The following UBOX5 variants were observed in gnomAD, a reference collection of about 807,000 sequenced individuals.
The protein encoded by UBOX5 is U-box domain containing 5.
In UBOX5, 28 loss-of-function variants were observed where a neutral mutation model predicts 39.0. That is an observed-to-expected ratio of 0.72 (90% CI 0.53 to 0.98). UBOX5 has a LOEUF of 0.98. Among genes scored for constraint, UBOX5 ranks in the 50% least tolerant of loss-of-function variants. UBOX5 has a pLI of 0.00. For synonymous variants in UBOX5, 283 were observed against 275.5 expected (o/e 1.03, Z -0.27); for missense variants, 585 against 674.4 (o/e 0.87, Z 1.47).
At chr20:3,145,841 T>C (rs1199946282) in intron 1 of UBOX5, among the ~76,000 whole-genome samples, 1 of 151,478 alleles carries the variant, frequency 6.6e-6, no homozygotes, top group East Asian at 1.9e-4. Context: ...AGGTCAGGAG[T>C]GTGAGACCAG....
At chr20:3,133,090 G>A (rs926305180) in intron 1 of UBOX5, among the ~76,000 whole-genome samples, 2 of 152,152 alleles carry the variant, frequency 1.3e-5, no homozygotes, top group Non-Finnish European at 2.9e-5. Flanking sequence ...ACAGGAGAAT[G>A]GCAGATCTTT....
rs1345873702 is a variant in UBOX5 at position 3,122,643 on chromosome 20, T to C, written c.55-59A>G. The C allele has an allele frequency of 5.3e-6, 8 of 1,507,810 alleles. No individual in the cohort carries two copies. The South Asian group carries it at 9.6e-5, about 18-fold the overall frequency. The allele number at this position is 1,507,810 out of a possible 1,614,324, so 93.4% of individuals were successfully genotyped here. A position where few individuals can be genotyped will look rare whatever the true frequency, so the allele number is the denominator to read the frequency against. The stretch of plus-strand genomic sequence containing the variant: ...CCAAATGAAGACAACTTGTCACTTG[T>C]AAGAAAACTCTTAAGCCTGAGGTTC... On this transcript the variant is annotated intron_variant, in intron 2 of 4. Transcript: ENST00000217173.
rs2066600311 is a variant in UBOX5 at position 3,149,199 on chromosome 20, A to ATT, written c.-42+10566_-42+10567insAA. The ATT allele has an allele frequency of 1.1e-6, 1 of 940,320 alleles. No homozygotes were observed. The highest frequency in any genetic ancestry group is 1.6e-6 in the Non-Finnish European group (1 of 633,600). The allele number at this position is 940,320 out of a possible 1,614,324, so 58.2% of individuals were successfully genotyped here. A position where few individuals can be genotyped will look rare whatever the true frequency, so the allele number is the denominator to read the frequency against. On this transcript the variant is annotated intron_variant, in intron 1 of 4. Transcript: ENST00000217173. This position sits in a 1 kb window ranked among gnomAD's most constrained non-coding sequence, Gnocchi z 4.1. ...GGTGTTCCACAAAAACTGCCTGGAAATCTTCAGCATATCACAAGAGCCAGG... is the reference window on the plus strand; with the variant it reads ...GGTGTTCCACAAAAACTGCCTGGAAATTTCTTCAGCATATCACAAGAGCCAGG...
At chr20:3,147,582 C>A (rs781180016) in intron 1 of UBOX5, 3 of 1,614,170 alleles carry the variant, frequency 1.9e-6, no homozygotes, top group Non-Finnish European at 2.5e-6. Context: ...CTGACAAACC[C>A]TGGACTGAGA....
chr20:3,140,468 A>C (rs1600397673), intron 1 of UBOX5, among the ~76,000 whole-genome samples: 1 of 152,076 alleles, frequency 6.6e-6, no homozygotes, highest in East Asian at 1.9e-4. Flanking sequence ...GTGTCAGCAA[A>C]ATTCTACGGG....
At chr20:3,152,001 G>C (rs1254236559) in intron 1 of UBOX5, 2 of 151,262 alleles carry the variant, frequency 1.3e-5, no homozygotes, top group Admixed American at 1.3e-4. Flanking sequence ...GCCACTCGGG[G>C]GGCTGGGGCA....
At chr20:3,156,109 A>C in intron 1 of UBOX5, among the ~76,000 whole-genome samples, 1 of 152,172 alleles carries the variant, frequency 6.6e-6, no homozygotes, top group East Asian at 1.9e-4. Context: ...AAAGACTCTC[A>C]GAAAATCCAT....
intron 1 of UBOX5, among the ~76,000 whole-genome samples, chr20:3,130,332 C>G (rs1027636288): frequency 2.1e-5 from 2 of 94,056 alleles, no homozygotes; most frequent in African/African-American, 1.2e-4. Context: ...GTTGTTTATG[C>G]CTTTTTTTTT....
intron 1 of UBOX5, chr20:3,148,640 C>G: frequency 6.2e-7 from 1 of 1,614,136 alleles, no homozygotes; most frequent in Non-Finnish European, 8.5e-7. Flanking sequence ...AATTAGTTCA[C>G]CTTCTGAAAC....
chr20:3,131,198 C>T (rs566024709), intron 1 of UBOX5, among the ~76,000 whole-genome samples: 2 of 150,652 alleles, frequency 1.3e-5, no homozygotes, highest in South Asian at 2.1e-4. Flanking sequence ...CACTGCATTC[C>T]AGCCTGGGCA....
rs1325450681 is a variant in UBOX5, at chr20:3,149,295, T to C, written c.-42+10471A>G. The stretch of plus-strand genomic sequence containing the variant: ...GGGTAGATGAAGAATGAGTGGCTTC[T>C]ACCTATAAAAGCATCCAAATTTACA... On this transcript the variant is annotated intron_variant, in intron 1 of 4. Transcript: ENST00000217173. This position sits in a 1 kb window ranked among gnomAD's most constrained non-coding sequence, Gnocchi z 4.1. The C allele has an allele frequency of 1.1e-5, 6 of 544,334 alleles. No homozygotes were observed. The African/African-American group carries it at 1.1e-4, about 10-fold the overall frequency. 33.7% of individuals were successfully genotyped at this position (544,334 alleles called of 1,614,324 possible). A position where few individuals can be genotyped will look rare whatever the true frequency, so the allele number is the denominator to read the frequency against.
intron 4 of UBOX5, chr20:3,111,502 G>A (rs992189351): frequency 6.6e-6 from 1 of 152,622 alleles, no homozygotes; most frequent in Non-Finnish European, 1.5e-5. Flanking sequence ...GGACAGTCAA[G>A]ACTCCCTGCA....
Position 3,115,469 on chromosome 20 carries a change from G to C in UBOX5, c.1256-3C>G, listed in dbSNP as rs1394096596. The C allele has an allele frequency of 6.2e-7, 1 of 1,611,346 alleles. No individual in the cohort carries two copies. The highest frequency in any genetic ancestry group is 1.3e-5 in the African/African-American group (1 of 74,894). On this transcript the variant is annotated splice_polypyrimidine_tract_variant and splice_region_variant and intron_variant, in intron 3 of 4. Transcript: ENST00000217173. ...CTTCTGCTCGTGGGACAGTGGACCT[G>C]TCGAGAGATGCGCACAGCACAACAT...
At chr20:3,143,362 A>G (rs1303470969) in intron 1 of UBOX5, among the ~76,000 whole-genome samples, 1 of 152,090 alleles carries the variant, frequency 6.6e-6, no homozygotes, top group Non-Finnish European at 1.5e-5. Context: ...TCAGCTTCCC[A>G]GAGTGCTGGG....
At chr20:3,145,601 G>C (rs2066554680) in intron 1 of UBOX5, among the ~76,000 whole-genome samples, 1 of 152,070 alleles carries the variant, frequency 6.6e-6, no homozygotes, top group African/African-American at 2.4e-5. Flanking sequence ...ACCACGCCTG[G>C]CTAATTTTAT....
intron 1 of UBOX5, among the ~76,000 whole-genome samples, chr20:3,136,382 C>T (rs1310007396): frequency 6.6e-6 from 1 of 151,850 alleles, no homozygotes; most frequent in Non-Finnish European, 1.5e-5. Context: ...GAGACAGAGT[C>T]TCTCTCTGTC....
At chr20:3,147,476 C>T (rs781016406) in intron 1 of UBOX5, 18 of 1,614,192 alleles carry the variant, frequency 1.1e-5, no homozygotes, top group East Asian at 6.7e-5. Context: ...AGTACTAAGA[C>T]GATTGCCTCT....
chr20:3,129,722 C>A (rs144350390), intron 1 of UBOX5, among the ~76,000 whole-genome samples: 1 of 152,278 alleles, frequency 6.6e-6, no homozygotes, highest in Non-Finnish European at 1.5e-5. Flanking sequence ...AGAAAATTTT[C>A]TCTTTGGTCT....
rs1212213931 is a variant in UBOX5, at chr20:3,147,708, T to C, written c.-42+12058A>G. ...GGCATCTTTCTGTGAATCTCACTTA[T>C]CAGGCTGGAGTAAAATTCTTCTGCA... On this transcript the variant is annotated intron_variant, in intron 1 of 4. Coordinates refer to ENST00000217173, the MANE Select transcript of UBOX5 (RefSeq NM_014948.4). The C allele has an allele frequency of 3.1e-6, 5 of 1,614,246 alleles. No homozygotes were observed. In the East Asian group the frequency reaches 8.9e-5, roughly 29 times the overall value.
Sources: allele counts gnomAD v4.1 joint callset (sites outside exome capture counted in the v4.1 genomes callset), GRCh38; gene constraint gnomAD v4.1.1; non-coding constraint Gnocchi (gnomAD v3.1); transcripts MANE v1.5; gene names NCBI Gene and HGNC (gene_info 2026-07-23, HGNC 2026-07-21).